PIEZO1: variants seen among roughly 807,000 people sequenced by gnomAD.
The protein encoded by PIEZO1 is piezo type mechanosensitive ion channel component 1 (Er blood group).
Under a neutral mutation model 297.2 loss-of-function variants are expected in PIEZO1, and 296 were observed. The ratio of observed to expected loss-of-function variants is 1.00; its 90% CI spans 0.91 to 1.10. The LOEUF (loss-of-function observed/expected upper bound fraction) is 1.10. PIEZO1 is among the 50% of genes least tolerant of loss of function. The pLI is 0.00. For missense variants in PIEZO1, 5,018 were observed against 3,455.5 expected (o/e 1.45, Z -11.34); for synonymous variants, 2,427 against 1,507.5 (o/e 1.61, Z -14.13).
chr16:88,776,383 C>G (rs1340745934), intron 1 of PIEZO1, among the ~76,000 whole-genome samples: 3 of 151,934 alleles, frequency 2.0e-5, no homozygotes, highest in South Asian at 4.1e-4. Flanking sequence ...GCAGTGAGCC[C>G]AGACTGGGCC....
At chr16:88,748,974 A>C (rs956877865) in intron 2 of PIEZO1, among the ~76,000 whole-genome samples, 2 of 141,404 alleles carry the variant, frequency 1.4e-5, no homozygotes, top group African/African-American at 2.7e-5. Context: ...GCGGTGGCTC[A>C]CGTCTGTAAT....
intron 1 of PIEZO1, among the ~76,000 whole-genome samples, chr16:88,776,050 G>A (rs956664735): frequency 2.0e-5 from 3 of 152,232 alleles, no homozygotes; most frequent in South Asian, 2.1e-4. Flanking sequence ...CCAGGCCCAC[G>A]GGCTACAAGC....
chr16:88,732,968 G>A (rs925931406), intron 19 of PIEZO1: 4 of 586,426 alleles, frequency 6.8e-6, no homozygotes, highest in Non-Finnish European at 1.2e-5. Flanking sequence ...GGAGGGATGT[G>A]CGAGAAGGTC....
intron 1 of PIEZO1, among the ~76,000 whole-genome samples, chr16:88,766,577 C>T (rs1196216585): frequency 6.6e-6 from 1 of 152,258 alleles, no homozygotes; most frequent in Non-Finnish European, 1.5e-5. Context: ...CACCCACCTA[C>T]CTCCGGGGCC....
rs1377161810 is a variant in PIEZO1 at position 88,733,658 on chromosome 16, AG to A, written c.2416del (p.Leu806CysfsTer22). Reference protein sequence around the residue: ...SDVLSRVQVFLRRLLELHVFK... With the variant: ...SDVLSRVQVFXRRLLELHVFK... ...AACGTGAAGCTCCAGCAGCCGCCGC[AG>A]GAACACCTGCACGCGTGAGAGGACG... On this transcript the variant is annotated frameshift_variant, in exon 18 of 51. Transcript: ENST00000301015. LOFTEE classifies it high-confidence loss of function. The A allele has an allele frequency of 6.5e-7, 1 of 1,549,766 alleles. No individual in the cohort carries two copies. Among genetic ancestry groups the A allele is most frequent in the Non-Finnish European group, 8.7e-7 (1 of 1,146,560 alleles).
intron 1 of PIEZO1, among the ~76,000 whole-genome samples, chr16:88,781,473 G>A (rs114624049): frequency 0.014 from 2,088 of 152,342 alleles, 37 homozygotes; most frequent in African/African-American, 0.047. Flanking sequence ...TTGGTGCTGT[G>A]AGGCAGGCCC....
rs750862138 is a variant in PIEZO1 at position 88,721,278 on chromosome 16, G to A, written c.5556C>T (p.Asp1852=). Residue 1852 remains aspartate (D), a synonymous_variant, in exon 39 of 51, where the codon GAC becomes GAT. Transcript: ENST00000301015. ...IQVEARVGPT[D]GTPEPQVELR... is the part of the protein sequence containing the mutation. ...GCTCCACTTGGGGTTCTGGGGTCCC[G>A]TCCGTGGGTCCGACCCTGGCTTCCA... 29 of 1,544,222 alleles carry A rather than the reference G, an allele frequency of 1.9e-5. No homozygotes were observed. The highest frequency in any genetic ancestry group is 1.7e-4 in the Middle Eastern group (1 of 6,010).
At chr16:88,742,708 T>C in intron 2 of PIEZO1, 1 of 438,272 alleles carries the variant, frequency 2.3e-6, no homozygotes, top group Non-Finnish European at 4.2e-6. Context: ...GGAAACCACC[T>C]GGGGTGTGCT....
At chr16:88,723,205 T>C (rs1386553496) in intron 32 of PIEZO1, 21 bp downstream of exon 32, 1 of 1,548,320 alleles carries the variant, frequency 6.5e-7, no homozygotes, top group East Asian at 2.4e-5. Context: ...CCCCTCAGAG[T>C]CCCCACGCCC....
chr16:88,775,011 G>C (rs752972915), intron 1 of PIEZO1, among the ~76,000 whole-genome samples: 1 of 152,230 alleles, frequency 6.6e-6, no homozygotes, highest in Admixed American at 6.5e-5. Flanking sequence ...GGGACCCAAA[G>C]GCACCCACTC....
chr16:88,724,886 A>G (rs1904321945), intron 30 of PIEZO1, 123 bp downstream of exon 30: 5 of 618,292 alleles, frequency 8.1e-6, no homozygotes, highest in Non-Finnish European at 1.3e-5. Context: ...AGGCCTGAGC[A>G]CGTCCTGACG....
In PIEZO1 at chr16:88,726,567, G is replaced by A. The variant is rs1226514186; in HGVS notation, c.3776C>T (p.Thr1259Ile). ...WVIQLFSLVCTVKGYYDPKEM... is the reference protein window; with the variant it reads ...WVIQLFSLVCIVKGYYDPKEM... ...CTCACGGTCATAGTAGCCCTTGACGGTGCATACAAGGCTGAAGAGCTGGAT... is the reference window on the plus strand; with the variant it reads ...CTCACGGTCATAGTAGCCCTTGACGATGCATACAAGGCTGAAGAGCTGGAT... Residue 1259 changes from threonine to isoleucine, a missense_variant, in exon 26 of 51, where the codon ACC becomes ATC. By Grantham distance (89) the Thr-to-Ile change is moderately conservative (BLOSUM62 -1). Coordinates refer to ENST00000301015, the MANE Select transcript of PIEZO1 (RefSeq NM_001142864.4). 1.3e-6 allele frequency: 2 copies of A among 1,550,116 alleles called. No homozygotes were observed. The highest frequency in any genetic ancestry group is 4.9e-5 in the East Asian group (2 of 40,906).
intron 35 of PIEZO1, 74 bp from the exon 36 acceptor site, chr16:88,722,471 G>T: frequency 1.4e-6 from 2 of 1,445,446 alleles, no homozygotes; most frequent in Middle Eastern, 1.8e-4. Flanking sequence ...GGTCAGGGTG[G>T]AAAGTGCCCA....
chr16:88,733,343 C>G lies in PIEZO1; in HGVS notation c.2599G>C (p.Val867Leu). 6.5e-7 allele frequency: 1 copy of G among 1,550,186 alleles called. No homozygotes were observed. The highest frequency in any genetic ancestry group is 1.2e-5 in the South Asian group (1 of 84,070). ...TTGAGCTGGTACAGCATCTTACACA[C>G]GATGATGACGCAGGTCCACACGGTG... ...LSTVWTCVIIVCKMLYQLKVV... is the reference protein window; with the variant it reads ...LSTVWTCVIILCKMLYQLKVV... Residue 867 changes from valine to leucine, a missense_variant, in exon 19 of 51, where the codon GTG becomes CTG. Val to Leu is a conservative substitution (Grantham distance 32). Transcript: ENST00000301015.
In PIEZO1 at chr16:88,721,604, A is replaced by C; in HGVS notation, c.5337T>G (p.Thr1779=). The C allele has an allele frequency of 6.5e-7, 1 of 1,550,268 alleles. No homozygotes were observed. Among genetic ancestry groups the C allele is most frequent in the Non-Finnish European group, 8.7e-7 (1 of 1,146,920 alleles). The change falls in exon 38 of 51, where the codon ACT becomes ACG. Residue 1779 remains threonine (T), a synonymous_variant. Transcript: ENST00000301015. ...CCAGGTCGTACTTGATGTAGCCGTCAGTCTTCTCCAGGCCCAGGATGCGGG... is the reference window on the plus strand; with the variant it reads ...CCAGGTCGTACTTGATGTAGCCGTCCGTCTTCTCCAGGCCCAGGATGCGGG... The part of the protein sequence containing the change: ...FPPRILGLEK[T]DGYIKYDLVQ...
intron 1 of PIEZO1, among the ~76,000 whole-genome samples, chr16:88,757,291 G>A (rs985022108): frequency 1.1e-4 from 16 of 144,036 alleles, no homozygotes; most frequent in African/African-American, 4.2e-4. Context: ...CCTGGTGCAG[G>A]CCCTGGGTAT....
At chr16:88,726,664 C>CGGGGCCAGG (rs1567666211) in intron 25 of PIEZO1, 21 bp from the exon 26 acceptor site, 3 of 1,329,456 alleles carry the variant, frequency 2.3e-6, no homozygotes, top group Non-Finnish European at 3.0e-6. Context: ...GCAGGGTCAG[C>CGGGGCCAGG]GGGGCCAGCG....
rs75033689 is a variant in PIEZO1 at position 88,752,824 on chromosome 16, C to T, written c.65-3345G>A. On this transcript the variant is annotated intron_variant, in intron 1 of 50. Coordinates refer to ENST00000301015, the MANE Select transcript of PIEZO1 (RefSeq NM_001142864.4). The stretch of plus-strand genomic sequence containing the variant: ...CCTGAGACCATGACCCACCACGGGC[C>T]TGCCCTGGGGTGATCAGCAACACGC... Among the ~76,000 whole-genome samples the T allele has an allele frequency of 4.6e-4, 70 of 152,274 alleles. No homozygotes were observed. The East Asian group carries it at 0.013, about 28-fold the overall frequency.
chr16:88,781,250 G>A (rs1173351176), intron 1 of PIEZO1, among the ~76,000 whole-genome samples: 3 of 152,200 alleles, frequency 2.0e-5, no homozygotes, highest in Admixed American at 6.5e-5. Flanking sequence ...AAGCTGCCTT[G>A]GGGCCAGGAT....
Sources: allele counts gnomAD v4.1 joint callset (sites outside exome capture counted in the v4.1 genomes callset), GRCh38; gene constraint gnomAD v4.1.1; transcripts MANE v1.5; gene names NCBI Gene and HGNC (gene_info 2026-07-23, HGNC 2026-07-21).